Variants in PARD3B observed in about 807,000 individuals in gnomAD.
PARD3B encodes the protein partitioning defective 3 homolog B.
A neutral mutation model predicts 130.2 loss-of-function variants in PARD3B; 103 were observed. The observed-to-expected ratio is 0.79, with a 90% CI of 0.67 to 0.93. The LOEUF is 0.93. PARD3B is among the 40% of genes least tolerant of loss of function. The probability of loss-of-function intolerance (pLI) is 0.00; values close to 1 mark genes in which losing one functional copy is unlikely to be tolerated. For missense variants in PARD3B, 1,609 were observed against 1,499.2 expected (o/e 1.07, Z -1.21); for synonymous variants, 583 against 553.2 (o/e 1.05, Z -0.76).
At chr2:204,553,665 T>TATATATATATATCC (rs2030676873) in intron 1 of PARD3B, among the ~76,000 whole-genome samples, 1 of 18,978 alleles carries the variant, frequency 5.3e-5, no homozygotes, top group Non-Finnish European at 2.2e-4. Context: ...TATATATATA[T>TATATATATATATCC]ATATATATAT....
chr2:204,560,461 A>G (rs58974771), intron 1 of PARD3B, among the ~76,000 whole-genome samples: 5,303 of 152,050 alleles, frequency 0.035, 322 homozygotes, highest in African/African-American at 0.12. Context: ...GCTTTGGGGC[A>G]AGGGGAGGTG....
intron 2 of PARD3B, among the ~76,000 whole-genome samples, chr2:204,837,563 G>A (rs6725702): frequency 0.11 from 16,563 of 151,764 alleles, 1,268 homozygotes; most frequent in African/African-American, 0.21. Flanking sequence ...GGGATTACAG[G>A]CACGTGTCAC....
Position 205,461,460 on chromosome 2 carries a change from A to G in PARD3B, c.3044+20788A>G, listed in dbSNP as rs2048451585. On this transcript the variant is annotated intron_variant, in intron 20 of 22. Transcript: ENST00000406610. This position sits in a 1 kb window ranked among gnomAD's most constrained non-coding sequence, Gnocchi z 4.3. Reference sequence around the variant, plus strand: ...TATTCCCTAGCACGGACTGCCATGTAGAAAAGGTCCCCTATTATTTCAGCA... The same window carrying G: ...TATTCCCTAGCACGGACTGCCATGTGGAAAAGGTCCCCTATTATTTCAGCA... 6.6e-6 allele frequency among the ~76,000 whole-genome samples: 1 copy of G among 152,188 alleles called. No individual in the cohort carries two copies. The highest frequency in any genetic ancestry group is 1.5e-5 in the Non-Finnish European group (1 of 68,028).
intron 18 of PARD3B, among the ~76,000 whole-genome samples, chr2:205,381,161 T>G (rs2045421854): frequency 8.4e-6 from 1 of 118,906 alleles, no homozygotes; most frequent in Non-Finnish European, 1.6e-5. Context: ...ATAATATATA[T>G]AAAGAATATA....
chr2:205,047,827 A>G (rs1698908729), intron 4 of PARD3B, 137 bp downstream of exon 4: 2 of 583,632 alleles, frequency 3.4e-6, no homozygotes, highest in Non-Finnish European at 6.0e-6. Flanking sequence ...TAGTTATACT[A>G]ATAGCTAGTA....
chr2:205,043,056 C>A (rs1698503312), intron 3 of PARD3B, among the ~76,000 whole-genome samples: 1 of 151,584 alleles, frequency 6.6e-6, no homozygotes, highest in Non-Finnish European at 1.5e-5. Flanking sequence ...TAAGTCTTTT[C>A]TTAATTAGCT....
At chr2:205,412,366 C>T (rs1436226047) in intron 19 of PARD3B, among the ~76,000 whole-genome samples, 4 of 152,100 alleles carry the variant, frequency 2.6e-5, no homozygotes, top group Non-Finnish European at 5.9e-5. Flanking sequence ...GCCCCCTCAA[C>T]CATATTAAAC....
In PARD3B at chr2:204,658,415, A is replaced by G. The variant is rs188908879; in HGVS notation, c.121-27766A>G. On this transcript the variant is annotated intron_variant, in intron 1 of 22. Transcript: ENST00000406610. Reference sequence around the variant, plus strand: ...AAAAGGATTATTAACTATTGCCCTTAAGTGTTAAAAACGTCTCTTGGTCTT... The same window carrying G: ...AAAAGGATTATTAACTATTGCCCTTGAGTGTTAAAAACGTCTCTTGGTCTT... Among the ~76,000 whole-genome samples the G allele has an allele frequency of 2.5e-3, 382 of 152,292 alleles. 1 individual carries two copies. Among genetic ancestry groups the G allele is most frequent in the Admixed American group, 4.8e-3 (74 of 15,290 alleles).
chr2:204,687,270 C>T (rs1291343921), intron 2 of PARD3B, among the ~76,000 whole-genome samples: 1 of 152,078 alleles, frequency 6.6e-6, no homozygotes, highest in Non-Finnish European at 1.5e-5. Flanking sequence ...ACATCTTATA[C>T]ATTTACTTTT....
rs2046077918 is a variant in PARD3B at position 205,397,622 on chromosome 2, A to T, written c.2631-3391A>T. Among the ~76,000 whole-genome samples, 1 of 152,180 alleles carries T rather than the reference A, an allele frequency of 6.6e-6. No homozygotes were observed. The highest frequency in any genetic ancestry group is 1.5e-5 in the Non-Finnish European group (1 of 68,028). On this transcript the variant is annotated intron_variant, in intron 18 of 22. Transcript: ENST00000406610. The surrounding 1 kb of genome is among the most constrained non-coding windows in gnomAD (Gnocchi z 4.8). ...CTGCTTTTACCTCAGAAATCCCAAA[A>T]GCTGCAAATATAGGAGAAATAATAT...
Position 205,321,916 on chromosome 2 carries a change from G to C in PARD3B, c.2630+20215G>C, listed in dbSNP as rs138636430. Among the ~76,000 whole-genome samples, 1 of 152,164 alleles carries C rather than the reference G, an allele frequency of 6.6e-6. No individual in the cohort carries two copies. Among genetic ancestry groups the C allele is most frequent in the African/African-American group, 2.4e-5 (1 of 41,432 alleles). On this transcript the variant is annotated intron_variant, in intron 18 of 22. Coordinates refer to ENST00000406610, the MANE Select transcript of PARD3B (RefSeq NM_001302769.2). This position sits in a 1 kb window ranked among gnomAD's most constrained non-coding sequence, Gnocchi z 4.2. ...GGTGCAAATATCCTTGTGATAAAGC[G>C]TCGGTAACCATTAAATTTGGTGCAG...
At chr2:205,216,898 G>C (rs1410908807) in intron 15 of PARD3B, among the ~76,000 whole-genome samples, 1 of 152,102 alleles carries the variant, frequency 6.6e-6, no homozygotes, top group Non-Finnish European at 1.5e-5. Context: ...GAAGGTACCA[G>C]AGGCCTAGGC....
chr2:204,558,499 C>A (rs1464879141), intron 1 of PARD3B, among the ~76,000 whole-genome samples: 1 of 152,078 alleles, frequency 6.6e-6, no homozygotes, highest in Non-Finnish European at 1.5e-5. Flanking sequence ...TGTGAAGGAC[C>A]TCTTCAAGGA....
At chr2:204,742,660 T>C (rs2040057831) in intron 2 of PARD3B, among the ~76,000 whole-genome samples, 2 of 152,224 alleles carry the variant, frequency 1.3e-5, no homozygotes, top group Non-Finnish European at 2.9e-5. Context: ...CCTTTGCCTT[T>C]AGCACTGTGT....
At chr2:205,129,667 C>A (rs1209319727) in intron 10 of PARD3B, among the ~76,000 whole-genome samples, 1 of 152,216 alleles carries the variant, frequency 6.6e-6, no homozygotes, top group African/African-American at 2.4e-5. Context: ...CCTTGCTGTT[C>A]TGCGAGCTCT....
intron 16 of PARD3B, among the ~76,000 whole-genome samples, chr2:205,299,132 C>T (rs2041897257): frequency 6.6e-6 from 1 of 152,132 alleles, no homozygotes; most frequent in African/African-American, 2.4e-5. Flanking sequence ...ACGTTCGGAT[C>T]ATAGGTAAAG....
intron 3 of PARD3B, among the ~76,000 whole-genome samples, chr2:205,023,452 CTTTTTT>C (rs11319827): frequency 4.5e-5 from 4 of 88,732 alleles, no homozygotes; most frequent in African/African-American, 1.7e-4. Flanking sequence ...ATGCCCACAC[CTTTTTT>C]TTTTTTTTTT....
chr2:205,514,850 C>A (rs200920762), intron 21 of PARD3B, among the ~76,000 whole-genome samples: 23 of 64,812 alleles, frequency 3.5e-4, no homozygotes, highest in African/African-American at 8.7e-4. Flanking sequence ...TTTTTTTTTA[C>A]TTTAAGGTTT....
chr2:204,628,329 C>T (rs1421117191), intron 1 of PARD3B, among the ~76,000 whole-genome samples: 1 of 150,878 alleles, frequency 6.6e-6, no homozygotes, highest in Non-Finnish European at 1.5e-5. Flanking sequence ...TTCTATGGAA[C>T]AGGTTCTGTA....
Sources: gnomAD v4.1 joint callset for allele counts (sites outside exome capture counted in the v4.1 genomes callset) on GRCh38, gnomAD v4.1.1 for gene constraint, Gnocchi (gnomAD v3.1) non-coding constraint, MANE v1.5 for transcripts, NCBI Gene and HGNC (gene_info 2026-07-23, HGNC 2026-07-21) for gene names.